MYBPC3: variants seen among roughly 807,000 people sequenced by gnomAD.
The protein encoded by MYBPC3 is myosin-binding protein C, cardiac-type.
A neutral mutation model predicts 159.3 loss-of-function variants in MYBPC3; 108 were observed. The ratio of observed to expected loss-of-function variants is 0.68; its 90% CI spans 0.58 to 0.80. MYBPC3 has a LOEUF of 0.80. Among genes scored for constraint, MYBPC3 ranks in the 30% least tolerant of loss-of-function variants. The pLI is 0.00. For synonymous variants in MYBPC3, 730 were observed against 702.0 expected, an observed-to-expected ratio of 1.04 and a Z score of -0.63; for missense variants, 1,631 against 1,762.1, an observed-to-expected ratio of 0.93 and a Z score of 1.33.
At position 47,350,634 on chromosome 11, in the gene MYBPC3, G is replaced by C; in HGVS notation, c.293-19C>G. On this transcript the variant is annotated intron_variant, in intron 2 of 34. Transcript: ENST00000545968. ...GCCTTCTCTGGAGGGGATCAGATGGGAGTCGTGGTGCAGCCACTAACCAGA... is the reference window on the plus strand; with the variant it reads ...GCCTTCTCTGGAGGGGATCAGATGGCAGTCGTGGTGCAGCCACTAACCAGA... 1 of 1,459,506 alleles carries C rather than the reference G, an allele frequency of 6.9e-7. No homozygotes were observed. Among genetic ancestry groups the C allele is most frequent in the Non-Finnish European group, 9.0e-7 (1 of 1,112,954 alleles). 90.4% of individuals were successfully genotyped at this position (1,459,506 alleles called of 1,614,324 possible). A position where few individuals can be genotyped will look rare whatever the true frequency, so the allele number is the denominator to read the frequency against.
chr11:47,341,346 C>T lies in MYBPC3; in HGVS notation c.1791-102G>A, dbSNP rs189400510. The T allele has an allele frequency of 1.8e-3, 1,487 of 818,572 alleles. 10 individuals carry two copies. In the Middle Eastern group the frequency reaches 0.023, roughly 12 times the overall value. 50.7% of individuals were successfully genotyped at this position (818,572 alleles called of 1,614,324 possible). On this transcript the variant is annotated intron_variant, in intron 18 of 34. Coordinates refer to ENST00000545968, the MANE Select transcript of MYBPC3 (RefSeq NM_000256.3). Reference sequence around the variant, plus strand: ...CCAGGAGGCCCTCACCTTGTCCTGGCTTGTTGGTATTCTGATTTTTAAAAA... The same window carrying T: ...CCAGGAGGCCCTCACCTTGTCCTGGTTTGTTGGTATTCTGATTTTTAAAAA...
At chr11:47,337,952 CTTTT>C (rs11323436) in intron 23 of MYBPC3, among the ~76,000 whole-genome samples, 158 bp from the exon 24 acceptor site, 4 of 116,626 alleles carry the variant, frequency 3.4e-5, no homozygotes, top group Admixed American at 8.9e-5. Context: ...TCTTCTTTTC[CTTTT>C]TTTTTTTTTT....
In MYBPC3 at chr11:47,347,426, C is replaced by T. The variant is rs1414396886; in HGVS notation, c.905G>A (p.Arg302Lys). 6 of 1,584,390 alleles carry T rather than the reference C, an allele frequency of 3.8e-6. No homozygotes were observed. The highest frequency in any genetic ancestry group is 1.8e-5 in the Admixed American group (1 of 55,204). The change falls in exon 9 of 35, where the codon AGA becomes AAA. Residue 302 changes from arginine to lysine, a missense_variant and splice_region_variant. Transcript: ENST00000545968. ...CCAGGAACTGCCACCCAGGACTCAC[C>T]TCTTTTTCAGCAGTGAGCTGAAGTC... ...ILDFSSLLKKRDSFRTPRDSK... is the reference protein window; with the variant it reads ...ILDFSSLLKKKDSFRTPRDSK...
At position 47,350,038 on chromosome 11, in the gene MYBPC3, G is replaced by A. The variant is rs397516053; in HGVS notation, c.481C>T (p.Pro161Ser). ...CCCACGGTCACCTCGCCATCCTGTG[G>A]CCGCATCACGAAGAGGCCAATGGGG... Reference protein sequence around the residue: ...DDPIGLFVMRPQDGEVTVGGS... With the variant: ...DDPIGLFVMRSQDGEVTVGGS... The change falls in exon 4 of 35, where the codon CCA becomes TCA. Residue 161 changes from proline to serine, a missense_variant. Physicochemically the swap from Pro to Ser is moderately conservative, Grantham distance 74. Coordinates refer to ENST00000545968, the MANE Select transcript of MYBPC3 (RefSeq NM_000256.3). The A allele has an allele frequency of 1.3e-6, 2 of 1,562,798 alleles. No homozygotes were observed. The highest frequency in any genetic ancestry group is 1.7e-6 in the Non-Finnish European group (2 of 1,153,370).
Position 47,341,063 on chromosome 11 carries a change from G to C in MYBPC3, c.1898-31C>G, listed in dbSNP as rs771033626. Reference sequence around the variant, plus strand: ...AGAGAAGGAAGAGCAAGTAGCACGGGGGCAAAGGCAGGGCCCAGTGACAGG... The same window carrying C: ...AGAGAAGGAAGAGCAAGTAGCACGGCGGCAAAGGCAGGGCCCAGTGACAGG... On this transcript the variant is annotated intron_variant, in intron 19 of 34. Coordinates refer to ENST00000545968, the MANE Select transcript of MYBPC3 (RefSeq NM_000256.3). The C allele has an allele frequency of 1.9e-6, 3 of 1,574,248 alleles. No homozygotes were observed. The East Asian group carries it at 7.0e-5, about 37-fold the overall frequency.
At chr11:47,335,838 CT>C in intron 26 of MYBPC3, 38 bp downstream of exon 26, 1 of 1,337,512 alleles carries the variant, frequency 7.5e-7, no homozygotes. Flanking sequence ...TGAGCATGTT[CT>C]TCCTTTGGGG....
At chr11:47,343,905 C>T (rs1019833751) in intron 12 of MYBPC3, among the ~76,000 whole-genome samples, 2 of 152,248 alleles carry the variant, frequency 1.3e-5, no homozygotes, top group Admixed American at 6.5e-5. Flanking sequence ...TCTCCTGCCT[C>T]GGCCTCCCGA....
In MYBPC3 at chr11:47,342,948, G is replaced by C. The variant is rs1349916237; in HGVS notation, c.1352-13C>G. 2 of 1,611,276 alleles carry C rather than the reference G, an allele frequency of 1.2e-6. No individual in the cohort carries two copies. The highest frequency in any genetic ancestry group is 8.5e-7 in the Non-Finnish European group (1 of 1,178,772). On this transcript the variant is annotated splice_polypyrimidine_tract_variant and intron_variant, in intron 15 of 34. Transcript: ENST00000545968. ...AGCACAGGGGGCTCTGTCCAGGCAG[G>C]GTGAGCATGAGGGTTGGCTCCCCTG...
intron 6 of MYBPC3, among the ~76,000 whole-genome samples, chr11:47,348,165 G>A (rs2095896334): frequency 6.6e-6 from 1 of 152,154 alleles, no homozygotes; most frequent in Non-Finnish European, 1.5e-5. Flanking sequence ...GACAGTGCCA[G>A]GCCATGGGCC....
In MYBPC3 at chr11:47,339,639, G is replaced by C. The variant is rs1232905193; in HGVS notation, c.2067+12C>G. The C allele has an allele frequency of 2.5e-6, 4 of 1,569,470 alleles. No individual in the cohort carries two copies. Among genetic ancestry groups the C allele is most frequent in the Non-Finnish European group, 3.5e-6 (4 of 1,154,002 alleles). ...CTTATAGATGGGGAGACTGAGGAGGGACCCACAGTACCTGCGTGATAGCCT... is the reference window on the plus strand; with the variant it reads ...CTTATAGATGGGGAGACTGAGGAGGCACCCACAGTACCTGCGTGATAGCCT... On this transcript the variant is annotated intron_variant, in intron 21 of 34. Coordinates refer to ENST00000545968, the MANE Select transcript of MYBPC3 (RefSeq NM_000256.3).
At chr11:47,339,181 G>T in intron 22 of MYBPC3, 143 bp downstream of exon 22, 2 of 842,870 alleles carry the variant, frequency 2.4e-6, no homozygotes, top group Non-Finnish European at 2.0e-6. Context: ...AGGTGTGAGG[G>T]CCCCACAGGG....
Position 47,346,520 on chromosome 11 carries a change from G to C in MYBPC3, c.926+107C>G. The C allele has an allele frequency of 6.8e-7, 1 of 1,467,808 alleles. No individual in the cohort carries two copies. The allele number at this position is 1,467,808 out of a possible 1,614,324, so 90.9% of individuals were successfully genotyped here. ...CAGCTGGAGCTGCTCTGGGTCCCAG[G>C]CCAGGCAGGACTGGGGGCCAAGGGA... is the stretch of plus-strand genomic sequence containing the variant. On this transcript the variant is annotated intron_variant, in intron 11 of 34. Coordinates refer to ENST00000545968, the MANE Select transcript of MYBPC3 (RefSeq NM_000256.3). This position sits in a 1 kb window ranked among gnomAD's most constrained non-coding sequence, Gnocchi z 5.3.
In MYBPC3 at chr11:47,332,273, AAGAG is replaced by A; in HGVS notation, c.3628-19_3628-16del. The A allele has an allele frequency of 1.2e-6, 2 of 1,613,152 alleles. No homozygotes were observed. Among genetic ancestry groups the A allele is most frequent in the Non-Finnish European group, 1.7e-6 (2 of 1,179,578 alleles). On this transcript the variant is annotated splice_polypyrimidine_tract_variant and intron_variant, in intron 32 of 34. Transcript: ENST00000545968. This position sits in a 1 kb window ranked among gnomAD's most constrained non-coding sequence, Gnocchi z 4.2. ...GAAATCTTGGGCTATAAATAAGGTA[AAGAG>A]AGGGAGGGAAGCCATCCAGGCTGAG...
In MYBPC3 at chr11:47,332,449, A is replaced by G. The variant is rs1330460274; in HGVS notation, c.3627+117T>C. 104 of 1,494,244 alleles carry G rather than the reference A, an allele frequency of 7.0e-5. No homozygotes were observed. The highest frequency in any genetic ancestry group is 8.8e-5 in the Non-Finnish European group (98 of 1,108,036). The allele number at this position is 1,494,244 out of a possible 1,614,324, so 92.6% of individuals were successfully genotyped here. A position where few individuals can be genotyped will look rare whatever the true frequency, so the allele number is the denominator to read the frequency against. ...CTGCCCAGGGGGAGGAACCCGGTCC[A>G]TACACCCCAAGGTGGAGAGAAAGCA... On this transcript the variant is annotated intron_variant, in intron 32 of 34. Transcript: ENST00000545968. This position sits in a 1 kb window ranked among gnomAD's most constrained non-coding sequence, Gnocchi z 4.2.
chr11:47,344,644 C>T (rs895799605), intron 12 of MYBPC3, among the ~76,000 whole-genome samples: 4 of 152,204 alleles, frequency 2.6e-5, no homozygotes, highest in African/African-American at 9.6e-5. Context: ...CTGCTGGGTG[C>T]TCTGTGACCT....
intron 2 of MYBPC3, 86 bp from the exon 3 acceptor site, chr11:47,350,701 C>A: frequency 7.2e-7 from 1 of 1,388,122 alleles, no homozygotes; most frequent in Non-Finnish European, 9.3e-7. Flanking sequence ...GACCCATGAG[C>A]CCGCTGTGGA....
rs2095891378 is a variant in MYBPC3 at position 47,343,579 on chromosome 11, T to G, written c.1136A>C (p.His379Pro). 5 of 1,612,946 alleles carry G rather than the reference T, an allele frequency of 3.1e-6. No individual in the cohort carries two copies. In the East Asian group the frequency reaches 1.1e-4, roughly 36 times the overall value. The part of the protein sequence containing the change: ...LEPAYQVSKG[H>P]KIRLTVELAD... ...CAGTTCCACGGTCAGCCGGATCTTG[T>G]GGCCTTTGCTCACCTGGTAGGCCGG... The change falls in exon 13 of 35, where the codon CAC becomes CCC. Residue 379 changes from histidine (H) to proline (P), a missense_variant. Coordinates refer to ENST00000545968, the MANE Select transcript of MYBPC3 (RefSeq NM_000256.3).
rs532498780 is a variant in MYBPC3, at chr11:47,348,512, A to C, written c.684T>G (p.Asp228Glu). ...AGCTGCCAGTGAAGGCAGGCTGGGC[A>C]TCGGTGATGTGCAGCTCGAACAGAT... ...KVYLFELHIT[D>E]AQPAFTGSYR... is the part of the protein sequence containing the mutation. The change falls in exon 6 of 35, where the codon GAT (aspartate) becomes GAG (glutamate). Residue 228 changes from aspartate to glutamate, a missense_variant. Physicochemically the swap from Asp to Glu is conservative, Grantham distance 45. Coordinates refer to ENST00000545968, the MANE Select transcript of MYBPC3 (RefSeq NM_000256.3). The C allele has an allele frequency of 2.3e-5, 37 of 1,613,396 alleles. No homozygotes were observed. The East Asian group carries it at 7.8e-4, about 34-fold the overall frequency.
chr11:47,339,965 C>T (rs2095886731), intron 20 of MYBPC3, among the ~76,000 whole-genome samples, 175 bp from the exon 21 acceptor site: 1 of 152,170 alleles, frequency 6.6e-6, no homozygotes, highest in African/African-American at 2.4e-5. Flanking sequence ...TGAATACACC[C>T]ATGCAATTAT....
Sources: allele counts gnomAD v4.1 joint callset (sites outside exome capture counted in the v4.1 genomes callset), GRCh38; gene constraint gnomAD v4.1.1; non-coding constraint Gnocchi (gnomAD v3.1); transcripts MANE v1.5; gene names NCBI Gene and HGNC (gene_info 2026-07-23, HGNC 2026-07-21).